Variants in BRD8 observed in about 807,000 individuals in gnomAD.
The protein encoded by BRD8 is bromodomain-containing protein 8.
BRD8 carries 67 observed loss-of-function variants against 143.1 expected under a neutral mutation model. The ratio of observed to expected loss-of-function variants is 0.47; its 90% CI spans 0.38 to 0.57. The LOEUF is 0.57. Among genes scored for constraint, BRD8 ranks in the 20% least tolerant of loss-of-function variants. The pLI is 0.00. For synonymous variants in BRD8, 505 were observed against 517.1 expected (o/e 0.98, Z 0.32); for missense variants, 1,103 against 1,503.0 (o/e 0.73, Z 4.40).
rs1753854777 is a variant in BRD8 at position 138,171,414 on chromosome 5, TTA to T, written c.187-6_187-5del. 2 of 1,425,240 alleles carry T rather than the reference TTA, an allele frequency of 1.4e-6. No individual in the cohort carries two copies. Among genetic ancestry groups the T allele is most frequent in the Admixed American group, 2.4e-5 (1 of 40,930 alleles). 88.3% of individuals were successfully genotyped at this position (1,425,240 alleles called of 1,614,324 possible). A position where few individuals can be genotyped will look rare whatever the true frequency, so the allele number is the denominator to read the frequency against. On this transcript the variant is annotated splice_polypyrimidine_tract_variant and splice_region_variant and intron_variant, in intron 3 of 26. Transcript: ENST00000254900. The stretch of plus-strand genomic sequence containing the variant: ...CCGAGTACTGGGAAGCACAATGCTA[TTA>T]AAAAAAAAAAAAAAAGTGAAAATGT...
chr5:138,173,594 A>G (rs1419268687), intron 2 of BRD8, among the ~76,000 whole-genome samples: 1 of 152,138 alleles, frequency 6.6e-6, no homozygotes, highest in Non-Finnish European at 1.5e-5. Flanking sequence ...TTTAGACAGT[A>G]TCTCACTTTG....
chr5:138,166,101 T>C lies in BRD8; in HGVS notation c.1005A>G (p.Gln335=), dbSNP rs141003332. 789 of 1,611,502 alleles carry C rather than the reference T, an allele frequency of 4.9e-4. 1 individual carries two copies. Among genetic ancestry groups the C allele is most frequent in the Admixed American group, 6.2e-4 (37 of 59,964 alleles). ...STTESVAPVS[Q]PDNCVPMEAV... is the part of the protein sequence containing the mutation. ...CCTCCATGGGAACACAGTTGTCGGG[T>C]TGACTCACTGAGTAACAGAAAGAGA... The change falls in exon 11 of 27, where the codon CAA becomes CAG. Residue 335 remains glutamine, a synonymous_variant. Transcript: ENST00000254900.
chr5:138,154,598 C>CT (rs1210687432), intron 20 of BRD8, among the ~76,000 whole-genome samples: 1 of 152,102 alleles, frequency 6.6e-6, no homozygotes, highest in Admixed American at 6.6e-5. Context: ...AATTGAATAC[C>CT]TTTCCATTGC....
At chr5:138,150,221 G>A (rs777622949) in intron 22 of BRD8, among the ~76,000 whole-genome samples, 7 of 150,454 alleles carry the variant, frequency 4.7e-5, no homozygotes, top group African/African-American at 9.8e-5. Flanking sequence ...GGGCTCCCCC[G>A]AGACCCCTAA....
At chr5:138,163,527 C>A (rs1440514833) in intron 14 of BRD8, 183 bp from the exon 15 acceptor site, 8 of 1,455,058 alleles carry the variant, frequency 5.5e-6, no homozygotes, top group Non-Finnish European at 6.4e-6. Flanking sequence ...TAATTTAGAA[C>A]CTGGACAAAG....
intron 25 of BRD8, among the ~76,000 whole-genome samples, chr5:138,143,934 A>C (rs1752024698): frequency 6.6e-6 from 1 of 152,232 alleles, no homozygotes; most frequent in African/African-American, 2.4e-5. Flanking sequence ...CAGCAGTGGC[A>C]ACCCGCTGGA....
intron 23 of BRD8, 39 bp downstream of exon 23, chr5:138,149,601 T>A (rs1404401765): frequency 4.0e-6 from 6 of 1,518,526 alleles, no homozygotes; most frequent in African/African-American, 1.4e-5. Context: ...TAAACAGAAG[T>A]ACGAATCTTA....
chr5:138,152,977 G>A (rs893740628), intron 20 of BRD8, among the ~76,000 whole-genome samples: 1 of 152,130 alleles, frequency 6.6e-6, no homozygotes, highest in East Asian at 1.9e-4. Flanking sequence ...GTATAACAGA[G>A]ATATTGCACC....
chr5:138,168,609 G>A (rs1753626478), intron 8 of BRD8: 1 of 1,605,732 alleles, frequency 6.2e-7, no homozygotes, highest in African/African-American at 1.4e-5. Context: ...GGCTTCTAAG[G>A]GTGCAGAGCC....
chr5:138,163,622 T>C (rs1344021547), intron 14 of BRD8: 2 of 1,417,126 alleles, frequency 1.4e-6, no homozygotes, highest in Non-Finnish European at 1.9e-6. Flanking sequence ...TTCTTTCCCC[T>C]TGCTCGAGAG....
intron 20 of BRD8, among the ~76,000 whole-genome samples, chr5:138,153,530 C>CTCCATGCAT (rs1408142477): frequency 1.3e-5 from 2 of 152,164 alleles, no homozygotes; most frequent in Non-Finnish European, 2.9e-5. Context: ...GGTGTCATTT[C>CTCCATGCAT]TCCATGCATC....
rs1753379910 is a variant in BRD8, at chr5:138,165,925, A to C, written c.1181T>G (p.Leu394Ter). The C allele has an allele frequency of 1.2e-6, 2 of 1,614,066 alleles. No individual in the cohort carries two copies. The highest frequency in any genetic ancestry group is 3.3e-5 in the Admixed American group (2 of 60,004). Residue 394 changes from leucine (L) to a stop codon, truncating the protein, a stop_gained, in exon 11 of 27, where the codon TTA becomes TGA. Transcript: ENST00000254900. LOFTEE classifies it high-confidence loss of function. ...KAPSIDGKEE[L>*]DLAEKMDIAV... ...AATATCCATCTTCTCAGCCAGATCT[A>C]ATTCTTCCTTCCCATCTATGCTGGG... is the stretch of plus-strand genomic sequence containing the variant.
chr5:138,164,534 ACT>A, intron 12 of BRD8, 121 bp from the exon 13 acceptor site: 1 of 1,156,808 alleles, frequency 8.6e-7, no homozygotes, highest in Non-Finnish European at 1.3e-6. Context: ...ATGTAATGTG[ACT>A]CCAATGGTCA....
intron 12 of BRD8, 27 bp from the exon 13 acceptor site, chr5:138,164,440 C>T (rs1753237758): frequency 3.1e-6 from 5 of 1,592,280 alleles, no homozygotes; most frequent in African/African-American, 1.3e-5. Context: ...AAAAAACACC[C>T]TAAGTACTGA....
chr5:138,177,400 A>C (rs891584878), intron 2 of BRD8, 171 bp downstream of exon 2: 5 of 483,036 alleles, frequency 1.0e-5, no homozygotes, highest in African/African-American at 9.9e-5. Flanking sequence ...GCGTGTCCGC[A>C]CCACTGCACT....
Position 138,159,542 on chromosome 5 carries a change from A to G in BRD8, c.2577+13T>C, listed in dbSNP as rs376754826. The G allele has an allele frequency of 8.1e-6, 13 of 1,613,714 alleles. No individual in the cohort carries two copies. The highest frequency in any genetic ancestry group is 1.1e-5 in the Non-Finnish European group (13 of 1,179,738). ...TGTGGCAACACCACCCCTTGCAGCCATTCAATACTTACAAAGAGAGAGAGA... is the reference window on the plus strand; with the variant it reads ...TGTGGCAACACCACCCCTTGCAGCCGTTCAATACTTACAAAGAGAGAGAGA... On this transcript the variant is annotated intron_variant, in intron 20 of 26. Transcript: ENST00000254900.
At chr5:138,163,995 T>C (rs1753205963) in intron 14 of BRD8, 92 bp downstream of exon 14, 3 of 1,436,444 alleles carry the variant, frequency 2.1e-6, no homozygotes, top group African/African-American at 2.8e-5. Context: ...TATCAGAGAA[T>C]AAAGATGTGA....
In BRD8 at chr5:138,157,197, ACT is replaced by A. The variant is rs1752659337; in HGVS notation, c.2577+2356_2577+2357del. On this transcript the variant is annotated intron_variant, in intron 20 of 26. Transcript: ENST00000254900. ...TTTTAGGTTCGGCTCAAAGAGGGTA[ACT>A]CTGAGGCTTCACTTTTTCATCTTCA... is the stretch of plus-strand genomic sequence containing the variant. 4 of 1,612,822 alleles carry A rather than the reference ACT, an allele frequency of 2.5e-6. No individual in the cohort carries two copies. The South Asian group carries it at 4.4e-5, about 18-fold the overall frequency.
Position 138,163,303 on chromosome 5 carries a change from T to G in BRD8, c.1914A>C (p.Glu638Asp). Reference sequence around the variant, plus strand: ...CCTTAGGCTCCTCTAGGCTGGCCGCTTCACTGACACCATCTTCCTCCTCAT... The same window carrying G: ...CCTTAGGCTCCTCTAGGCTGGCCGCGTCACTGACACCATCTTCCTCCTCAT... Reference protein sequence around the residue: ...GEDEEEDGVSEAASLEEPKEE... With the variant: ...GEDEEEDGVSDAASLEEPKEE... Residue 638 changes from glutamate (E) to aspartate (D), a missense_variant, in exon 15 of 27, where the codon GAA (glutamate) becomes GAC (aspartate). By Grantham distance (45) the Glu-to-Asp change is conservative. Transcript: ENST00000254900. 1 of 1,614,170 alleles carries G rather than the reference T, an allele frequency of 6.2e-7. No individual in the cohort carries two copies. The highest frequency in any genetic ancestry group is 8.5e-7 in the Non-Finnish European group (1 of 1,180,014).
Sources: allele counts gnomAD v4.1 joint callset (sites outside exome capture counted in the v4.1 genomes callset), GRCh38; gene constraint gnomAD v4.1.1; transcripts MANE v1.5; gene names NCBI Gene and HGNC (gene_info 2026-07-23, HGNC 2026-07-21).